ANKS1B: variants seen among roughly 807,000 people sequenced by gnomAD.
ANKS1B encodes ankyrin repeat and sterile alpha motif domain-containing protein 1B.
ANKS1B carries 36 observed loss-of-function variants against 148.3 expected under a neutral mutation model. The observed-to-expected ratio is 0.24, with a 90% CI of 0.19 to 0.32. ANKS1B has a LOEUF of 0.32. ANKS1B is among the 10% of genes least tolerant of loss of function. ANKS1B has a pLI of 1.00. For missense variants in ANKS1B, 1,157 were observed against 1,542.6 expected (o/e 0.75, Z 4.19); for synonymous variants, 542 against 560.8 (o/e 0.97, Z 0.47).
At chr12:98,768,650 C>T (rs905567333) in intron 25 of ANKS1B, among the ~76,000 whole-genome samples, 5 of 149,472 alleles carry the variant, frequency 3.3e-5, no homozygotes, top group East Asian at 2.0e-4. Context: ...AGGAGAATGG[C>T]GTGAACCCGG....
At chr12:99,713,289 C>A (rs933509266) in intron 8 of ANKS1B, among the ~76,000 whole-genome samples, 5 of 152,178 alleles carry the variant, frequency 3.3e-5, no homozygotes, top group Admixed American at 1.3e-4. Flanking sequence ...GACTGCTCAG[C>A]CAAACCTTTG....
intron 8 of ANKS1B, among the ~76,000 whole-genome samples, chr12:99,662,576 C>T (rs1467147595): frequency 2.0e-5 from 3 of 152,100 alleles, no homozygotes; most frequent in African/African-American, 7.2e-5. Context: ...TAAGAGGAAC[C>T]AATGTAACTA....
intron 9 of ANKS1B, among the ~76,000 whole-genome samples, chr12:99,645,734 A>G (rs1282931867): frequency 2.0e-5 from 3 of 152,210 alleles, no homozygotes; most frequent in Non-Finnish European, 4.4e-5. Flanking sequence ...TCAAGTCTTG[A>G]GGCAAATGCT....
At chr12:99,025,178 C>T (rs375077666) in intron 17 of ANKS1B, among the ~76,000 whole-genome samples, 4 of 152,096 alleles carry the variant, frequency 2.6e-5, no homozygotes, top group Admixed American at 6.6e-5. Context: ...ACTCAGAATA[C>T]GATTCATACA....
intron 17 of ANKS1B, among the ~76,000 whole-genome samples, chr12:99,037,137 T>C (rs2099956049): frequency 1.3e-5 from 2 of 152,232 alleles, no homozygotes; most frequent in Admixed American, 1.3e-4. Flanking sequence ...CTCTGCAGTT[T>C]ATTTACATAT....
At position 99,489,243 on chromosome 12, in the gene ANKS1B, GAAAA is replaced by G. The variant is rs34006525; in HGVS notation, c.1438+15229_1438+15232del. 1.2e-3 allele frequency among the ~76,000 whole-genome samples: 98 copies of G among 82,328 alleles called. 1 individual carries two copies. The highest frequency in any genetic ancestry group is 4.2e-3 in the African/African-American group (87 of 20,956). 54.0% of individuals were successfully genotyped at this position (82,328 alleles called of 152,430 possible). On this transcript the variant is annotated intron_variant, in intron 10 of 26. Transcript: ENST00000683438. ...GGTGATAGAGCAAGACTCCATCTCAGAAAAAAAAAAAAAAAAAAGTACCCACAAA... is the reference window on the plus strand; with the variant it reads ...GGTGATAGAGCAAGACTCCATCTCAGAAAAAAAAAAAAAAGTACCCACAAA...
chr12:99,246,804 G>A lies in ANKS1B; in HGVS notation c.1817C>T (p.Ala606Val), dbSNP rs753404598. 8 of 1,611,810 alleles carry A rather than the reference G, an allele frequency of 5.0e-6. No individual in the cohort carries two copies. The African/African-American group carries it at 1.1e-4, about 22-fold the overall frequency. ...PPKEYDPGQFAGLLHGSSPAC... is the reference protein window; with the variant it reads ...PPKEYDPGQFVGLLHGSSPAC... ...TGGAGAGGATCCATGGAGCAGGCCTGCAAATTGCCCAGGATCATATTCTTT... is the reference window on the plus strand; with the variant it reads ...TGGAGAGGATCCATGGAGCAGGCCTACAAATTGCCCAGGATCATATTCTTT... Residue 606 changes from alanine to valine, a missense_variant, in exon 13 of 27, where the codon GCA becomes GTA. By Grantham distance (64) the Ala-to-Val change is moderately conservative (BLOSUM62 0). Transcript: ENST00000683438.
intron 10 of ANKS1B, among the ~76,000 whole-genome samples, chr12:99,475,701 A>T (rs2096307983): frequency 6.6e-6 from 1 of 151,860 alleles, no homozygotes; most frequent in South Asian, 2.1e-4. Context: ...GAAAGTATGA[A>T]AAATAATAGT....
chr12:98,965,496 C>T (rs548987442), intron 17 of ANKS1B, among the ~76,000 whole-genome samples: 2 of 152,238 alleles, frequency 1.3e-5, no homozygotes, highest in South Asian at 4.1e-4. Context: ...GTTGAAATGA[C>T]TCTGATTTCT....
intron 1 of ANKS1B, among the ~76,000 whole-genome samples, chr12:99,826,492 G>T (rs1447021939): frequency 6.6e-6 from 1 of 152,188 alleles, no homozygotes; most frequent in Non-Finnish European, 1.5e-5. Flanking sequence ...TCAATTGGAA[G>T]AAGGTGGGAA....
chr12:99,550,101 C>G (rs920419888), intron 9 of ANKS1B, among the ~76,000 whole-genome samples: 3 of 152,186 alleles, frequency 2.0e-5, no homozygotes, highest in African/African-American at 7.2e-5. Flanking sequence ...CTCGCCTTCC[C>G]TTCAAAGCCT....
chr12:98,971,701 G>A (rs952758988), intron 17 of ANKS1B, among the ~76,000 whole-genome samples: 2 of 152,178 alleles, frequency 1.3e-5, no homozygotes, highest in African/African-American at 4.8e-5. Flanking sequence ...CTCCCATTCT[G>A]CTAGGATCCA....
At chr12:99,751,652 C>G (rs1372671437) in intron 8 of ANKS1B, among the ~76,000 whole-genome samples, 1 of 151,966 alleles carries the variant, frequency 6.6e-6, no homozygotes, top group African/African-American at 2.4e-5. Flanking sequence ...GTGGCAGGCC[C>G]CATACCAGGA....
chr12:99,677,870 G>A (rs1433029010), intron 8 of ANKS1B, among the ~76,000 whole-genome samples: 2 of 152,218 alleles, frequency 1.3e-5, no homozygotes, highest in African/African-American at 4.8e-5. Context: ...CTACTCGGGA[G>A]GCTGAGGCTG....
intron 17 of ANKS1B, among the ~76,000 whole-genome samples, chr12:98,856,939 G>GA (rs1452666448): frequency 9.2e-5 from 14 of 151,868 alleles, no homozygotes; most frequent in Non-Finnish European, 2.1e-4. Context: ...TGGTGAGAGG[G>GA]AAAAAAAGCA....
chr12:98,977,362 A>G (rs955927647), intron 17 of ANKS1B, among the ~76,000 whole-genome samples: 6 of 152,198 alleles, frequency 3.9e-5, no homozygotes, highest in East Asian at 3.9e-4. Flanking sequence ...GTTATTTTCT[A>G]TAGAAGTCAG....
intron 1 of ANKS1B, among the ~76,000 whole-genome samples, chr12:99,902,956 AG>A (rs2093652655): frequency 7.0e-6 from 1 of 143,270 alleles, no homozygotes; most frequent in Non-Finnish European, 1.5e-5. Context: ...TTTTAGAGAC[AG>A]GGTTCGCCAT....
Position 98,801,381 on chromosome 12 carries a change from TAAA to T in ANKS1B, c.3142-259_3142-257del, listed in dbSNP as rs35783014. Among the ~76,000 whole-genome samples, 7,193 of 152,266 alleles carry T rather than the reference TAAA, an allele frequency of 0.047. 535 individuals carry two copies. The highest frequency in any genetic ancestry group is 0.16 in the African/African-American group (6,656 of 41,534). On this transcript the variant is annotated intron_variant, in intron 20 of 26. Transcript: ENST00000683438. This position sits in a 1 kb window ranked among gnomAD's most constrained non-coding sequence, Gnocchi z 5.2. ...CATCCTAAGCTAAGTCACTTTAAAA[TAAA>T]ACATGAAGATATTCATAAATGATTT... is the stretch of plus-strand genomic sequence containing the variant.
intron 17 of ANKS1B, among the ~76,000 whole-genome samples, chr12:98,852,979 G>A (rs1035084793): frequency 3.9e-5 from 6 of 151,950 alleles, no homozygotes; most frequent in South Asian, 2.1e-4. Context: ...AATATAAAGC[G>A]TTCTATAAAA....
Sources: gnomAD v4.1 joint callset for allele counts (sites outside exome capture counted in the v4.1 genomes callset) on GRCh38, gnomAD v4.1.1 for gene constraint, Gnocchi (gnomAD v3.1) non-coding constraint, MANE v1.5 for transcripts, NCBI Gene and HGNC (gene_info 2026-07-23, HGNC 2026-07-21) for gene names.